Variants in AXL observed in about 807,000 individuals in gnomAD.
AXL encodes the protein tyrosine-protein kinase receptor UFO.
In AXL, 52 loss-of-function variants were observed where a neutral mutation model predicts 104.5. The observed-to-expected ratio is 0.50, with a 90% CI of 0.40 to 0.63. AXL has a LOEUF of 0.63. Ranked by LOEUF, AXL falls within the 20% of genes least tolerant of loss-of-function variation. The pLI is 0.00. For synonymous variants in AXL, 455 were observed against 473.7 expected, an observed-to-expected ratio of 0.96 and a Z score of 0.51; for missense variants, 1,024 against 1,188.5, an observed-to-expected ratio of 0.86 and a Z score of 2.04.
chr19:41,225,842 T>G (rs867883837), intron 4 of AXL, among the ~76,000 whole-genome samples: 56 of 151,954 alleles, frequency 3.7e-4, no homozygotes, highest in African/African-American at 1.3e-3. Context: ...TGAGTGTGTG[T>G]GTGGGGGGGT....
chr19:41,249,688 G>A (rs975454981), intron 14 of AXL, among the ~76,000 whole-genome samples: 1 of 151,768 alleles, frequency 6.6e-6, no homozygotes, highest in Admixed American at 6.6e-5. Context: ...CCTCACAGGC[G>A]GAGATTGCAG....
chr19:41,243,500 G>GT, intron 11 of AXL, 116 bp from the exon 12 acceptor site: 2 of 828,328 alleles, frequency 2.4e-6, no homozygotes, highest in Non-Finnish European at 4.2e-6. Context: ...CTCAGCAAAT[G>GT]TTAGCACAGA....
At chr19:41,238,994 G>A (rs944489018) in intron 8 of AXL, among the ~76,000 whole-genome samples, 170 bp from the exon 9 acceptor site, 1 of 151,992 alleles carries the variant, frequency 6.6e-6, no homozygotes, top group Admixed American at 6.6e-5. Context: ...GGGATGGAGG[G>A]ATACAGGTTA....
intron 15 of AXL, among the ~76,000 whole-genome samples, 191 bp downstream of exon 15, chr19:41,252,634 C>T (rs573340587): frequency 6.6e-6 from 1 of 152,306 alleles, no homozygotes; most frequent in Admixed American, 6.5e-5. Flanking sequence ...CCAGAAATAG[C>T]TGAGGTCCCC....
chr19:41,245,792 G>T (rs1568415626), intron 12 of AXL, among the ~76,000 whole-genome samples: 1 of 152,082 alleles, frequency 6.6e-6, no homozygotes, highest in South Asian at 2.1e-4. Flanking sequence ...GAAGAGCTAG[G>T]TCTCTTCCTA....
chr19:41,253,733 C>T (rs368559589), intron 17 of AXL, 25 bp downstream of exon 17: 16 of 1,537,666 alleles, frequency 1.0e-5, no homozygotes, highest in Admixed American at 3.6e-5. Context: ...GGGACCCCCC[C>T]CCCCCAACTG....
intron 1 of AXL, 115 bp from the exon 2 acceptor site, chr19:41,220,521 G>C: frequency 1.2e-6 from 1 of 845,322 alleles, no homozygotes; most frequent in Non-Finnish European, 1.8e-6. Context: ...CAACTATGTC[G>C]GCCTAAGGGC....
At chr19:41,234,930 G>A (rs191766468) in intron 6 of AXL, among the ~76,000 whole-genome samples, 2 of 152,224 alleles carry the variant, frequency 1.3e-5, no homozygotes, top group African/African-American at 4.8e-5. Context: ...ATGTGGCAGG[G>A]CTATACAGAT....
At chr19:41,220,436 G>T in intron 1 of AXL, 200 bp from the exon 2 acceptor site, 1 of 570,194 alleles carries the variant, frequency 1.8e-6, no homozygotes, top group Non-Finnish European at 3.1e-6. Context: ...ATGGACGCTA[G>T]ATCCCAGTCC....
intron 1 of AXL, among the ~76,000 whole-genome samples, chr19:41,219,689 CA>C (rs1379217151): frequency 7.0e-6 from 1 of 142,560 alleles, no homozygotes; most frequent in Admixed American, 7.6e-5. Flanking sequence ...AACTGAAGGG[CA>C]GGGGGGACAG....
rs113001193 is a variant in AXL, at chr19:41,219,595, G to A, written c.85+118G>A. Reference sequence around the variant, plus strand: ...GGGCTGGCTTAGGGAGTTTCCTTGGGACCACAGAAAAGGGACTTCAAGGGA... The same window carrying A: ...GGGCTGGCTTAGGGAGTTTCCTTGGAACCACAGAAAAGGGACTTCAAGGGA... On this transcript the variant is annotated intron_variant, in intron 1 of 19. Transcript: ENST00000301178. The A allele has an allele frequency of 1.9e-5, 23 of 1,207,766 alleles. 1 individual carries two copies. In the African/African-American group the frequency reaches 2.4e-4, roughly 13 times the overall value. 74.8% of individuals were successfully genotyped at this position (1,207,766 alleles called of 1,614,324 possible).
At chr19:41,239,923 T>A (rs1489401728) in intron 10 of AXL, among the ~76,000 whole-genome samples, 2 of 152,112 alleles carry the variant, frequency 1.3e-5, no homozygotes, top group African/African-American at 4.8e-5. Context: ...CAATGACAGA[T>A]GAGTGGGTGG....
intron 18 of AXL, among the ~76,000 whole-genome samples, chr19:41,257,113 A>T (rs1007446573): frequency 2.0e-5 from 3 of 152,108 alleles, no homozygotes; most frequent in Non-Finnish European, 1.5e-5. Flanking sequence ...GCATGATCTC[A>T]GCTCACTGCA....
At chr19:41,219,789 G>A (rs2033752537) in intron 1 of AXL, among the ~76,000 whole-genome samples, 1 of 151,632 alleles carries the variant, frequency 6.6e-6, no homozygotes, top group Non-Finnish European at 1.5e-5. Flanking sequence ...GGGGAGAGGG[G>A]CTGAGCTGAG....
At chr19:41,257,354 G>A in intron 18 of AXL, 139 bp from the exon 19 acceptor site, 1 of 1,230,590 alleles carries the variant, frequency 8.1e-7, no homozygotes, top group Non-Finnish European at 1.1e-6. Context: ...AAAGTATTAT[G>A]TTTCTATGAA....
intron 6 of AXL, among the ~76,000 whole-genome samples, chr19:41,233,629 G>A (rs74816457): frequency 6.9e-6 from 1 of 145,200 alleles, no homozygotes. Context: ...GACTCTGTCT[G>A]AGAAAAAAAA....
chr19:41,254,713 G>C (rs1054717664), intron 17 of AXL, among the ~76,000 whole-genome samples: 7 of 151,490 alleles, frequency 4.6e-5, no homozygotes, highest in African/African-American at 9.7e-5. Context: ...GTACCCAGGA[G>C]TTCAAGACCA....
chr19:41,259,811 A>G lies in AXL; in HGVS notation c.2592A>G (p.Gly864=), dbSNP rs779594391. 1 of 1,614,054 alleles carries G rather than the reference A, an allele frequency of 6.2e-7. No homozygotes were observed. The highest frequency in any genetic ancestry group is 1.1e-5 in the South Asian group (1 of 91,076). ...CLTAAEVHPA[G]RYVLCPSTTP... ...CTGCGGCTGAGGTCCATCCTGCTGG[A>G]CGCTATGTCCTCTGCCCTTCCACAA... is the stretch of plus-strand genomic sequence containing the variant. Residue 864 remains glycine (G), a synonymous_variant, in exon 20 of 20, where the codon GGA becomes GGG. Transcript: ENST00000301178.
rs563377794 is a variant in AXL, at chr19:41,243,141, AGGCGTGGT to A, written c.1445+130_1445+137del. On this transcript the variant is annotated intron_variant, in intron 11 of 19. Coordinates refer to ENST00000301178, the MANE Select transcript of AXL (RefSeq NM_021913.5). ...AATCAGAATGAGGGCAAGGGAAGCC[AGGCGTGGT>A]GGCTCACGCCTGTAATCCCAGCACT... is the stretch of plus-strand genomic sequence containing the variant. 282 of 1,395,598 alleles carry A rather than the reference AGGCGTGGT, an allele frequency of 2.0e-4. 1 individual carries two copies. In the African/African-American group the frequency reaches 3.7e-3, roughly 18 times the overall value. 86.5% of individuals were successfully genotyped at this position (1,395,598 alleles called of 1,614,324 possible).
Sources: allele counts gnomAD v4.1 joint callset (sites outside exome capture counted in the v4.1 genomes callset), GRCh38; gene constraint gnomAD v4.1.1; transcripts MANE v1.5; gene names NCBI Gene and HGNC (gene_info 2026-07-23, HGNC 2026-07-21).